GPHN: variants seen among roughly 807,000 people sequenced by gnomAD.
GPHN encodes gephyrin.
In GPHN, 17 loss-of-function variants were observed where a neutral mutation model predicts 95.5. That is an observed-to-expected ratio of 0.18 (90% CI 0.12 to 0.27). GPHN has a LOEUF of 0.27. Ranked by LOEUF, GPHN falls within the 10% of genes least tolerant of loss-of-function variation. The probability of loss-of-function intolerance (pLI) is 1.00; values close to 1 mark genes in which losing one functional copy is unlikely to be tolerated. For synonymous variants in GPHN, 320 were observed against 322.5 expected, an observed-to-expected ratio of 0.99 and a Z score of 0.08; for missense variants, 660 against 978.1, an observed-to-expected ratio of 0.67 and a Z score of 4.34.
intron 8 of GPHN, among the ~76,000 whole-genome samples, chr14:66,959,314 C>CA (rs1176347597): frequency 6.6e-6 from 1 of 151,814 alleles, no homozygotes; most frequent in Non-Finnish European, 1.5e-5. Context: ...GATTCACAAA[C>CA]AAAAATATAC....
intron 5 of GPHN, among the ~76,000 whole-genome samples, chr14:66,892,520 C>A (rs1263769929): frequency 6.6e-6 from 1 of 152,140 alleles, no homozygotes; most frequent in African/African-American, 2.4e-5. Context: ...CCCAGATGTC[C>A]ATTGATTGAT....
chr14:67,452,339 A>G, the GPHN span, among the ~76,000 whole-genome samples: 9 of 152,094 alleles, frequency 5.9e-5, no homozygotes, highest in Non-Finnish European at 1.3e-4. Context: ...AAAAAAAAAA[A>G]AAAGAAATGA....
At chr14:67,134,544 A>C (rs2079922089) in intron 17 of GPHN, among the ~76,000 whole-genome samples, 1 of 152,224 alleles carries the variant, frequency 6.6e-6, no homozygotes. Context: ...GGATAGACTG[A>C]CTTGAAATCA....
the GPHN span, among the ~76,000 whole-genome samples, chr14:67,639,983 C>G: frequency 5.5e-5 from 8 of 145,800 alleles, no homozygotes; most frequent in African/African-American, 2.0e-4. Flanking sequence ...TGTCAACAGA[C>G]AGAGGAAAGA....
intron 1 of GPHN, among the ~76,000 whole-genome samples, chr14:66,669,953 A>G (rs1431106966): frequency 1.3e-5 from 2 of 152,188 alleles, no homozygotes; most frequent in Admixed American, 1.3e-4. Context: ...ACCTGTCATT[A>G]GCCTTTTTTC....
the GPHN span, among the ~76,000 whole-genome samples, chr14:67,417,291 G>A: frequency 1.3e-5 from 2 of 152,160 alleles, no homozygotes; most frequent in East Asian, 3.8e-4. Context: ...GAAAATAAAT[G>A]AGATTATGAC....
chr14:67,226,456 G>A, the GPHN span, among the ~76,000 whole-genome samples: 1 of 152,226 alleles, frequency 6.6e-6, no homozygotes, highest in Non-Finnish European at 1.5e-5. Context: ...TGCCTCCTGG[G>A]TTCAAGAGAT....
chr14:66,929,170 T>C (rs111458792), intron 8 of GPHN, among the ~76,000 whole-genome samples: 2,291 of 151,796 alleles, frequency 0.015, 32 homozygotes, highest in Non-Finnish European at 0.018. Flanking sequence ...ATTCTCCTGC[T>C]TCAGCTTCCC....
At position 66,776,151 on chromosome 14, in the gene GPHN, C is replaced by G. The variant is rs1046255749; in HGVS notation, c.144-313C>G. Among the ~76,000 whole-genome samples the G allele has an allele frequency of 4.6e-5, 7 of 152,140 alleles. No homozygotes were observed. The South Asian group carries it at 1.2e-3, about 27-fold the overall frequency. On this transcript the variant is annotated intron_variant, in intron 2 of 22. Transcript: ENST00000478722. ...AAGTCAAACATGTTTGCTGTCAGTT[C>G]CTGATGCATGTTAGCTGTGACAGAA... is the stretch of plus-strand genomic sequence containing the variant.
intron 18 of GPHN, among the ~76,000 whole-genome samples, chr14:67,156,887 T>C (rs1567420845): frequency 2.0e-5 from 3 of 151,506 alleles, no homozygotes; most frequent in Admixed American, 1.3e-4. Context: ...TGCAATCGTT[T>C]GAACCCAGGA....
chr14:67,704,712 G>A, the GPHN span, among the ~76,000 whole-genome samples: 1 of 152,142 alleles, frequency 6.6e-6, no homozygotes, highest in East Asian at 1.9e-4. Flanking sequence ...CAAATCACCA[G>A]GGAAACAATT....
chr14:67,370,051 A>G, the GPHN span, among the ~76,000 whole-genome samples: 1 of 152,248 alleles, frequency 6.6e-6, no homozygotes, highest in African/African-American at 2.4e-5. Flanking sequence ...AACTAAAAGT[A>G]TCCCTTATGG....
At chr14:67,489,762 G>A in the GPHN span, among the ~76,000 whole-genome samples, 1 of 152,168 alleles carries the variant, frequency 6.6e-6, no homozygotes, top group Non-Finnish European at 1.5e-5. Context: ...AGGCCGAGGC[G>A]GGCGGATCAC....
intron 2 of GPHN, among the ~76,000 whole-genome samples, chr14:66,709,924 C>T (rs2069454294): frequency 6.7e-6 from 1 of 149,766 alleles, no homozygotes; most frequent in Non-Finnish European, 1.5e-5. Flanking sequence ...AAAGTTGATG[C>T]CATTAAAAAA....
chr14:67,059,196 G>A (rs562079769), intron 11 of GPHN, among the ~76,000 whole-genome samples: 18 of 151,942 alleles, frequency 1.2e-4, no homozygotes, highest in Non-Finnish European at 2.6e-4. Flanking sequence ...ATCTTTTTCT[G>A]TTTGGAAAAC....
intron 15 of GPHN, among the ~76,000 whole-genome samples, chr14:67,112,637 G>A (rs72715378): frequency 0.055 from 8,286 of 152,032 alleles, 237 homozygotes; most frequent in Middle Eastern, 0.068. Context: ...CATTAATGCC[G>A]CTAGATATTG....
the GPHN span, among the ~76,000 whole-genome samples, chr14:67,566,702 T>C: frequency 6.7e-6 from 1 of 149,490 alleles, no homozygotes; most frequent in African/African-American, 2.5e-5. Flanking sequence ...TGAGTCAAGA[T>C]CTTGCCACTG....
At chr14:67,585,749 CATG>C in the GPHN span, 1 of 1,055,550 alleles carries the variant, frequency 9.5e-7, no homozygotes, top group South Asian at 1.5e-5. Flanking sequence ...ACCAAGTGAC[CATG>C]GCTGCCCTAC....
chr14:67,697,520 C>T, the GPHN span, among the ~76,000 whole-genome samples: 2 of 152,190 alleles, frequency 1.3e-5, no homozygotes, highest in Non-Finnish European at 2.9e-5. Context: ...TATGGCCAGG[C>T]CCTGTCCCAA....
Sources: allele counts gnomAD v4.1 joint callset (sites outside exome capture counted in the v4.1 genomes callset), GRCh38; gene constraint gnomAD v4.1.1; transcripts MANE v1.5; gene names NCBI Gene and HGNC (gene_info 2026-07-23, HGNC 2026-07-21).